Variants in GRM3 observed in about 807,000 individuals in gnomAD.
The protein encoded by GRM3 is glutamate metabotropic receptor 3.
In GRM3, 26 loss-of-function variants were observed where a neutral mutation model predicts 70.5. That is an observed-to-expected ratio of 0.37 (90% confidence interval 0.27 to 0.51). GRM3 has a LOEUF of 0.51. Ranked by LOEUF, GRM3 falls within the 20% of genes least tolerant of loss-of-function variation. GRM3 has a pLI of 0.93. For synonymous variants in GRM3, 443 were observed against 434.9 expected, an observed-to-expected ratio of 1.02 and a Z score of -0.23; for missense variants, 859 against 1,123.8, an observed-to-expected ratio of 0.76 and a Z score of 3.37.
chr7:86,730,644 G>A (rs533411867), intron 1 of GRM3, among the ~76,000 whole-genome samples: 71 of 152,110 alleles, frequency 4.7e-4, no homozygotes, highest in South Asian at 1.0e-3. Context: ...AACAATTATT[G>A]GTCAGACCAA....
intron 3 of GRM3, among the ~76,000 whole-genome samples, chr7:86,837,723 G>A (rs779866985): frequency 7.2e-5 from 11 of 152,140 alleles, no homozygotes; most frequent in Non-Finnish European, 1.3e-4. Context: ...ATCACAATGT[G>A]AAGGACAGAC....
At chr7:86,761,158 A>G (rs1030315851) in intron 1 of GRM3, among the ~76,000 whole-genome samples, 5 of 152,162 alleles carry the variant, frequency 3.3e-5, no homozygotes, top group Admixed American at 6.6e-5. Flanking sequence ...GTTTACAACT[A>G]AAGTATATAT....
chr7:86,707,273 G>C (rs1795081799), intron 1 of GRM3, among the ~76,000 whole-genome samples: 1 of 151,930 alleles, frequency 6.6e-6, no homozygotes, highest in African/African-American at 2.4e-5. Context: ...AACTGATTTG[G>C]ATCACAAATA....
At chr7:86,789,091 C>G (rs1797342263) in intron 3 of GRM3, among the ~76,000 whole-genome samples, 2 of 152,164 alleles carry the variant, frequency 1.3e-5, no homozygotes, top group African/African-American at 2.4e-5. Flanking sequence ...TTCAATTACT[C>G]TTTTCAAGTC....
intron 1 of GRM3, among the ~76,000 whole-genome samples, chr7:86,655,846 GTGTGT>G (rs1342414738): frequency 5.4e-4 from 73 of 135,060 alleles, no homozygotes; most frequent in African/African-American, 2.1e-3. Flanking sequence ...GTGTGTGTGT[GTGTGT>G]GGGTGGGTGG....
chr7:86,680,194 G>C (rs1337397500), intron 1 of GRM3, among the ~76,000 whole-genome samples: 2 of 152,136 alleles, frequency 1.3e-5, no homozygotes, highest in Non-Finnish European at 2.9e-5. Flanking sequence ...GAACCACAAA[G>C]CATGAGGATT....
In GRM3 at chr7:86,843,258, G is replaced by A. The variant is rs115032932; in HGVS notation, c.2391+3353G>A. ...ATTTTATTATCCATTAGAAAGATGAGTAAACAGAGCATAATGACCTTCCCA... is the reference window on the plus strand; with the variant it reads ...ATTTTATTATCCATTAGAAAGATGAATAAACAGAGCATAATGACCTTCCCA... On this transcript the variant is annotated intron_variant, in intron 4 of 5. Coordinates refer to ENST00000361669, the MANE Select transcript of GRM3 (RefSeq NM_000840.3). Among the ~76,000 whole-genome samples, 1,314 of 152,240 alleles carry A rather than the reference G, an allele frequency of 8.6e-3. 20 individuals carry two copies. Among genetic ancestry groups the A allele is most frequent in the African/African-American group, 0.031 (1,271 of 41,560 alleles).
chr7:86,787,175 T>A, intron 3 of GRM3, 59 bp downstream of exon 3: 2 of 1,337,818 alleles, frequency 1.5e-6, no homozygotes, highest in Non-Finnish European at 2.1e-6. Context: ...AAAATAGGAA[T>A]CAAATGCCTC....
intron 5 of GRM3, among the ~76,000 whole-genome samples, chr7:86,854,357 A>C (rs1354639897): frequency 6.6e-6 from 1 of 152,172 alleles, no homozygotes; most frequent in Non-Finnish European, 1.5e-5. Context: ...GAATTTTTAA[A>C]GCTGACCAGT....
chr7:86,735,817 A>G (rs902992012), intron 1 of GRM3, among the ~76,000 whole-genome samples: 11 of 152,224 alleles, frequency 7.2e-5, no homozygotes, highest in Non-Finnish European at 1.5e-4. Context: ...TCGCATTATT[A>G]CTTTATATAA....
chr7:86,782,543 A>C (rs1047299383), intron 2 of GRM3, among the ~76,000 whole-genome samples: 1 of 152,204 alleles, frequency 6.6e-6, no homozygotes, highest in Non-Finnish European at 1.5e-5. Flanking sequence ...ATAATTTCAA[A>C]TCAAAACAAT....
chr7:86,679,155 CATCTT>C (rs765886885), intron 1 of GRM3, among the ~76,000 whole-genome samples: 2 of 151,874 alleles, frequency 1.3e-5, no homozygotes, highest in East Asian at 3.9e-4. Flanking sequence ...CTTGTCTGAC[CATCTT>C]ATTAGTGATC....
chr7:86,836,950 C>G (rs1432571916), intron 3 of GRM3, among the ~76,000 whole-genome samples: 1 of 152,072 alleles, frequency 6.6e-6, no homozygotes, highest in Non-Finnish European at 1.5e-5. Flanking sequence ...ACTACATCAC[C>G]CTGTGTTACA....
intron 1 of GRM3, among the ~76,000 whole-genome samples, chr7:86,684,629 T>G (rs1039442703): frequency 2.7e-4 from 41 of 152,220 alleles, no homozygotes; most frequent in African/African-American, 9.4e-4. Context: ...TCTTGCTCTT[T>G]AGCAGTATCT....
chr7:86,856,912 T>C, intron 5 of GRM3, among the ~76,000 whole-genome samples: 1 of 152,088 alleles, frequency 6.6e-6, no homozygotes, highest in Non-Finnish European at 1.5e-5. Flanking sequence ...GAGGGCCACT[T>C]TGGAACATTT....
chr7:86,788,849 C>T (rs1197649202), intron 3 of GRM3, among the ~76,000 whole-genome samples: 1 of 152,146 alleles, frequency 6.6e-6, no homozygotes, highest in African/African-American at 2.4e-5. Flanking sequence ...CTTTGTTATT[C>T]TAGTTCCTTT....
chr7:86,856,546 ACACT>A lies in GRM3; in HGVS notation c.2566+6003_2566+6006del, dbSNP rs200392755. ...AATCTGTGCAGCAAACCCCTGTGAC[ACACT>A]TTTACCTATGTAACACACCTTCACA... is the stretch of plus-strand genomic sequence containing the variant. On this transcript the variant is annotated intron_variant, in intron 5 of 5. Transcript: ENST00000361669. Among the ~76,000 whole-genome samples, 443 of 152,124 alleles carry A rather than the reference ACACT, an allele frequency of 2.9e-3. 2 individuals carry two copies. The highest frequency in any genetic ancestry group is 0.01 in the African/African-American group (417 of 41,516).
intron 1 of GRM3, among the ~76,000 whole-genome samples, chr7:86,705,578 ACATACTGACCCATGTATG>A (rs879292440): frequency 1.3e-3 from 191 of 152,180 alleles, no homozygotes; most frequent in Admixed American, 7.4e-3. Flanking sequence ...TTTTTTGTAA[ACATACTGACCCATGTATG>A]CATACACTAT....
intron 1 of GRM3, among the ~76,000 whole-genome samples, chr7:86,686,955 A>G (rs1794582589): frequency 6.6e-6 from 1 of 152,092 alleles, no homozygotes; most frequent in South Asian, 2.1e-4. Flanking sequence ...AAATATAAAA[A>G]TTGAAATTAA....
Sources: allele counts gnomAD v4.1 joint callset (sites outside exome capture counted in the v4.1 genomes callset), GRCh38; gene constraint gnomAD v4.1.1; transcripts MANE v1.5; gene names NCBI Gene and HGNC (gene_info 2026-07-23, HGNC 2026-07-21).